Variants in CSMD1 observed in about 807,000 individuals in gnomAD.
CSMD1 encodes the protein CUB and Sushi multiple domains 1.
Under a neutral mutation model 417.5 loss-of-function variants are expected in CSMD1, and 213 were observed. The ratio of observed to expected loss-of-function variants is 0.51; its 90% CI spans 0.46 to 0.57. CSMD1 has a LOEUF of 0.57. Ranked by LOEUF, CSMD1 falls within the 20% of genes least tolerant of loss-of-function variation. The probability of loss-of-function intolerance (pLI) is 0.00; values close to 1 mark genes in which losing one functional copy is unlikely to be tolerated. For missense variants in CSMD1, 6,923 were observed against 4,529.7 expected, an observed-to-expected ratio of 1.53 and a Z score of -15.17; for synonymous variants, 2,862 against 1,736.8, an observed-to-expected ratio of 1.65 and a Z score of -16.11.
At chr8:3,734,978 T>C (rs764821938) in intron 6 of CSMD1, among the ~76,000 whole-genome samples, 8 of 152,206 alleles carry the variant, frequency 5.3e-5, no homozygotes, top group Non-Finnish European at 8.8e-5. Flanking sequence ...TTGAGAGCAA[T>C]AGCTCCCCTG....
intron 1 of CSMD1, among the ~76,000 whole-genome samples, chr8:4,795,024 A>C: frequency 8.1e-6 from 1 of 123,600 alleles, no homozygotes; most frequent in African/African-American, 3.1e-5. Flanking sequence ...TCAAAGAAAG[A>C]TGTGGGGGGT....
At chr8:4,009,677 G>C (rs970079195) in intron 4 of CSMD1, among the ~76,000 whole-genome samples, 2 of 152,148 alleles carry the variant, frequency 1.3e-5, no homozygotes, top group African/African-American at 2.4e-5. Context: ...AATACTGGGA[G>C]ATATTATTGA....
At position 3,749,931 on chromosome 8, in the gene CSMD1, C is replaced by T. The variant is rs145410094; in HGVS notation, c.931+3999G>A. On this transcript the variant is annotated intron_variant, in intron 6 of 69. Coordinates refer to ENST00000635120, the MANE Select transcript of CSMD1 (RefSeq NM_033225.6). ...TGTGTAGCTACTCATTTCTGTTGGA[C>T]GCATGCCTGAAATGTTTCTTATGTT... 1.6e-3 allele frequency among the ~76,000 whole-genome samples: 237 copies of T among 152,090 alleles called. 1 individual carries two copies. Among genetic ancestry groups the T allele is most frequent in the African/African-American group, 5.4e-3 (223 of 41,474 alleles).
rs142480102 is a variant in CSMD1 at position 3,831,865 on chromosome 8, T to G, written c.819-77823A>C. Reference sequence around the variant, plus strand: ...ATCCTTGTTCATATAACATAGCATCTTTGTGATTCAGGTCATACAATATGG... The same window carrying G: ...ATCCTTGTTCATATAACATAGCATCGTTGTGATTCAGGTCATACAATATGG... On this transcript the variant is annotated intron_variant, in intron 5 of 69. Transcript: ENST00000635120. Among the ~76,000 whole-genome samples the G allele has an allele frequency of 1.1e-3, 167 of 152,328 alleles. 1 individual carries two copies. The highest frequency in any genetic ancestry group is 4.8e-3 in the South Asian group (23 of 4,824).
At chr8:3,498,917 C>T (rs1796476955) in intron 10 of CSMD1, among the ~76,000 whole-genome samples, 1 of 152,038 alleles carries the variant, frequency 6.6e-6, no homozygotes, top group Non-Finnish European at 1.5e-5. Flanking sequence ...TTTGAATTGT[C>T]TATTTTTATT....
chr8:3,697,915 G>C (rs1403289026), intron 7 of CSMD1, among the ~76,000 whole-genome samples: 1 of 152,094 alleles, frequency 6.6e-6, no homozygotes, highest in African/African-American at 2.4e-5. Context: ...TCCCTTTAGT[G>C]AATCAATTAT....
At chr8:4,171,688 A>C (rs1797772707) in intron 3 of CSMD1, among the ~76,000 whole-genome samples, 1 of 149,632 alleles carries the variant, frequency 6.7e-6, no homozygotes, top group Non-Finnish European at 1.5e-5. Context: ...ATTTAGAACA[A>C]AGTTAATTTG....
Position 3,399,300 on chromosome 8 carries a change from T to G in CSMD1, c.2405+91A>C, listed in dbSNP as rs530392489. 26 of 1,250,982 alleles carry G rather than the reference T, an allele frequency of 2.1e-5. No homozygotes were observed. In the East Asian group the frequency reaches 6.1e-4, roughly 29 times the overall value. 77.5% of individuals were successfully genotyped at this position (1,250,982 alleles called of 1,614,324 possible). ...CTCCTATGCGGGAACCGAAAAAAAC[T>G]GCCATCTTTTTAAAGTTTAAGATCC... On this transcript the variant is annotated intron_variant, in intron 16 of 69. Coordinates refer to ENST00000635120, the MANE Select transcript of CSMD1 (RefSeq NM_033225.6).
chr8:4,229,565 C>T (rs569395322), intron 3 of CSMD1, among the ~76,000 whole-genome samples: 1 of 152,330 alleles, frequency 6.6e-6, no homozygotes, highest in African/African-American at 2.4e-5. Flanking sequence ...TCCCCATCCT[C>T]AGCACCTTAC....
intron 2 of CSMD1, among the ~76,000 whole-genome samples, chr8:4,449,506 A>G (rs1036712746): frequency 1.3e-5 from 2 of 152,114 alleles, no homozygotes; most frequent in Non-Finnish European, 2.9e-5. Context: ...GTTACTTGTC[A>G]TTTTTTGTCT....
chr8:4,113,446 G>T (rs183995305), intron 3 of CSMD1, among the ~76,000 whole-genome samples: 3 of 135,006 alleles, frequency 2.2e-5, no homozygotes, highest in African/African-American at 5.8e-5. Flanking sequence ...GCTCTGTCAC[G>T]CAGGCTGGAC....
chr8:3,011,730 G>C (rs1808397894), intron 52 of CSMD1, among the ~76,000 whole-genome samples: 1 of 152,194 alleles, frequency 6.6e-6, no homozygotes, highest in Non-Finnish European at 1.5e-5. Context: ...ATAGTGGAGA[G>C]AGGATGGGTT....
intron 1 of CSMD1, among the ~76,000 whole-genome samples, chr8:4,843,461 G>A (rs567544037): frequency 1.3e-5 from 2 of 149,158 alleles, no homozygotes; most frequent in East Asian, 2.0e-4. Context: ...CAACAAAACC[G>A]AGAGAGAAAT....
At chr8:4,155,304 C>T (rs1460450985) in intron 3 of CSMD1, among the ~76,000 whole-genome samples, 1 of 152,134 alleles carries the variant, frequency 6.6e-6, no homozygotes, top group Non-Finnish European at 1.5e-5. Flanking sequence ...GCAAGATCAG[C>T]GTTTGGGTCT....
Position 4,872,423 on chromosome 8 carries a change from C to T in CSMD1, c.85+121909G>A, listed in dbSNP as rs1379706636. On this transcript the variant is annotated intron_variant, in intron 1 of 69. Coordinates refer to ENST00000635120, the MANE Select transcript of CSMD1 (RefSeq NM_033225.6). ...CTGCTCTCATGATAGCAGGTGAGTT[C>T]CTATGAAGTCTGACGGTTTTATAAG... Among the ~76,000 whole-genome samples the T allele has an allele frequency of 2.6e-5, 4 of 151,936 alleles. 1 individual carries two copies. The highest frequency in any genetic ancestry group is 9.7e-5 in the African/African-American group (4 of 41,292).
chr8:3,945,562 TA>T (rs772608894), intron 5 of CSMD1, among the ~76,000 whole-genome samples: 2 of 152,088 alleles, frequency 1.3e-5, no homozygotes, highest in Non-Finnish European at 2.9e-5. Context: ...GAGACAAGTT[TA>T]AAAAAATCTC....
At chr8:4,465,355 A>C (rs1316789304) in intron 2 of CSMD1, among the ~76,000 whole-genome samples, 1 of 152,188 alleles carries the variant, frequency 6.6e-6, no homozygotes, top group Non-Finnish European at 1.5e-5. Context: ...ACATCAGTAC[A>C]TGTCTACTAA....
intron 5 of CSMD1, among the ~76,000 whole-genome samples, chr8:3,913,321 G>C (rs893743250): frequency 6.6e-6 from 1 of 152,062 alleles, no homozygotes; most frequent in African/African-American, 2.4e-5. Flanking sequence ...ACCTGCTCAG[G>C]AGTGAGAATC....
intron 3 of CSMD1, among the ~76,000 whole-genome samples, chr8:4,386,432 A>G (rs1259571999): frequency 6.6e-6 from 1 of 152,184 alleles, no homozygotes; most frequent in Non-Finnish European, 1.5e-5. Context: ...AACAATACAC[A>G]CTATCAGACA....
Sources: allele counts gnomAD v4.1 joint callset (sites outside exome capture counted in the v4.1 genomes callset), GRCh38; gene constraint gnomAD v4.1.1; transcripts MANE v1.5; gene names NCBI Gene and HGNC (gene_info 2026-07-23, HGNC 2026-07-21).